The following TRPC1 variants were observed in gnomAD, a reference collection of about 807,000 sequenced individuals.
The protein encoded by TRPC1 is transient receptor potential cation channel subfamily C member 1.
Under a neutral mutation model 88.2 loss-of-function variants are expected in TRPC1, and 42 were observed. The ratio of observed to expected loss-of-function variants is 0.48; its 90% CI spans 0.37 to 0.62. The LOEUF (loss-of-function observed/expected upper bound fraction) is 0.62, where lower values mean the gene tolerates loss of function less well. Among genes scored for constraint, TRPC1 ranks in the 20% least tolerant of loss-of-function variants. The pLI is 0.00. For synonymous variants in TRPC1, 288 were observed against 331.8 expected (o/e 0.87, Z 1.43); for missense variants, 699 against 957.3 (o/e 0.73, Z 3.56).
intron 6 of TRPC1, among the ~76,000 whole-genome samples, chr3:142,783,564 C>T (rs985179043): frequency 1.3e-5 from 2 of 152,076 alleles, no homozygotes; most frequent in African/African-American, 4.8e-5. Context: ...TTATTTGGAA[C>T]TTTGTGAATT....
chr3:142,770,757 G>A (rs1935548487), intron 4 of TRPC1, among the ~76,000 whole-genome samples: 1 of 151,712 alleles, frequency 6.6e-6, no homozygotes, highest in Non-Finnish European at 1.5e-5. Context: ...TGTCTTTTTT[G>A]TTTCTCTGTT....
At chr3:142,765,752 C>T (rs1405212960) in intron 4 of TRPC1, among the ~76,000 whole-genome samples, 3 of 152,004 alleles carry the variant, frequency 2.0e-5, no homozygotes, top group Admixed American at 1.3e-4. Flanking sequence ...AGAGCTTCTA[C>T]ACAACAAAAG....
Position 142,748,427 on chromosome 3 carries a change from C to A in TRPC1, c.599C>A (p.Ala200Glu). The A allele has an allele frequency of 6.2e-7, 1 of 1,613,084 alleles. No individual in the cohort carries two copies. The highest frequency in any genetic ancestry group is 1.3e-5 in the African/African-American group (1 of 74,866). Residue 200 changes from alanine (A) to glutamate (E), a missense_variant, in exon 4 of 13, where the codon GCA becomes GAA. Physicochemically the swap from Ala to Glu is moderately radical, Grantham distance 107. Transcript: ENST00000476941. ...AVGCECTLCSAKNKKDSLRHS... is the reference protein window; with the variant it reads ...AVGCECTLCSEKNKKDSLRHS... ...GGCTGTGAATGCACATTGTGTTCTG[C>A]AAAAAACAAAAAGGATAGCCTCCGG...
intron 2 of TRPC1, among the ~76,000 whole-genome samples, chr3:142,737,213 A>C (rs1018231334): frequency 7.1e-5 from 10 of 139,900 alleles, no homozygotes; most frequent in African/African-American, 2.1e-4. Context: ...CATTAATTCT[A>C]CCTCTTTTTT....
chr3:142,758,729 C>A (rs568733236), intron 4 of TRPC1, among the ~76,000 whole-genome samples: 2 of 151,394 alleles, frequency 1.3e-5, no homozygotes, highest in South Asian at 2.1e-4. Context: ...GCATGTCGTG[C>A]AGGTTTGTTA....
In TRPC1 at chr3:142,804,102, C is replaced by T. The variant is rs1174766929; in HGVS notation, c.1883C>T (p.Thr628Ile). The T allele has an allele frequency of 3.7e-6, 6 of 1,613,738 alleles. No individual in the cohort carries two copies. The highest frequency in any genetic ancestry group is 5.1e-6 in the Non-Finnish European group (6 of 1,179,902). The stretch of plus-strand genomic sequence containing the variant: ...TTTGTGGGAGCTGTCATTGTTGGTA[C>T]ATACAATGTCGTGGTTGTGATTGTG... ...QSFVGAVIVG[T>I]YNVVVVIVLT... Residue 628 changes from threonine (T) to isoleucine (I), a missense_variant, in exon 11 of 13, where the codon ACA becomes ATA. Transcript: ENST00000476941.
At chr3:142,772,316 C>T (rs372574150) in intron 4 of TRPC1, among the ~76,000 whole-genome samples, 5 of 152,024 alleles carry the variant, frequency 3.3e-5, no homozygotes, top group Middle Eastern at 3.4e-3. Flanking sequence ...AATGGTGTTC[C>T]GCATCTCTCT....
chr3:142,766,394 CT>C lies in TRPC1; in HGVS notation c.633-11224del, dbSNP rs1336566515. Among the ~76,000 whole-genome samples the C allele has an allele frequency of 3.9e-3, 543 of 140,870 alleles. 1 individual carries two copies. Among genetic ancestry groups the C allele is most frequent in the African/African-American group, 8.6e-3 (332 of 38,652 alleles). 92.4% of individuals were successfully genotyped at this position (140,870 alleles called of 152,430 possible). A position where few individuals can be genotyped will look rare whatever the true frequency, so the allele number is the denominator to read the frequency against. On this transcript the variant is annotated intron_variant, in intron 4 of 12. Transcript: ENST00000476941. The stretch of plus-strand genomic sequence containing the variant: ...ACTGGCCTAGCCTCCCAGCCTACAT[CT>C]TTTTTTTTTTTTTCTTTTTTTTTGA...
In TRPC1 at chr3:142,791,170, C is replaced by A; in HGVS notation, c.1437+12C>A. The A allele has an allele frequency of 6.3e-7, 1 of 1,587,294 alleles. No homozygotes were observed. On this transcript the variant is annotated intron_variant, in intron 8 of 12. Transcript: ENST00000476941. ...TTGCTCACAACAAGGTGACTATTTA[C>A]TATGTCAATTGAAGGCACAAATTAA...
At chr3:142,771,085 C>T (rs1007884359) in intron 4 of TRPC1, among the ~76,000 whole-genome samples, 2 of 152,070 alleles carry the variant, frequency 1.3e-5, no homozygotes, top group Non-Finnish European at 2.9e-5. Context: ...AGCAAGAACT[C>T]ACTTATTACT....
intron 4 of TRPC1, among the ~76,000 whole-genome samples, chr3:142,764,109 T>C (rs748080919): frequency 1.3e-5 from 2 of 150,810 alleles, no homozygotes; most frequent in Admixed American, 6.6e-5. Flanking sequence ...TAGCTTCTTC[T>C]CCCAACATTT....
chr3:142,763,451 C>T lies in TRPC1; in HGVS notation c.633-14181C>T, dbSNP rs181998069. Among the ~76,000 whole-genome samples the T allele has an allele frequency of 9.4e-3, 1,426 of 151,854 alleles. 29 individuals carry two copies. Among genetic ancestry groups the T allele is most frequent in the African/African-American group, 0.033 (1,363 of 41,444 alleles). ...ATCATTATATAGTGACCCTCTTTGT[C>T]TTTTTTTAGTCTTTGATTTGTAGTC... On this transcript the variant is annotated intron_variant, in intron 4 of 12. Transcript: ENST00000476941.
chr3:142,786,772 A>G (rs1936147196), intron 7 of TRPC1, among the ~76,000 whole-genome samples: 1 of 152,172 alleles, frequency 6.6e-6, no homozygotes. Context: ...TGATTGTTAT[A>G]TATTCCTTAG....
chr3:142,725,163 G>A (rs972250883), intron 1 of TRPC1, among the ~76,000 whole-genome samples: 2 of 152,182 alleles, frequency 1.3e-5, no homozygotes, highest in African/African-American at 4.8e-5. Flanking sequence ...TGCCTCGTAT[G>A]GAGGGTTCTC....
At chr3:142,802,712 AC>A (rs1936660340) in intron 10 of TRPC1, among the ~76,000 whole-genome samples, 1 of 152,206 alleles carries the variant, frequency 6.6e-6, no homozygotes, top group African/African-American at 2.4e-5. Context: ...AGTCATTGTT[AC>A]AGCCAAAAAC....
At chr3:142,805,169 CAT>C (rs1406165731) in intron 12 of TRPC1, among the ~76,000 whole-genome samples, 98 of 143,964 alleles carry the variant, frequency 6.8e-4, no homozygotes, top group South Asian at 6.2e-3. Context: ...CACACACACA[CAT>C]ATAATTATTA....
At chr3:142,788,905 G>A (rs1294793330) in intron 7 of TRPC1, among the ~76,000 whole-genome samples, 3 of 152,090 alleles carry the variant, frequency 2.0e-5, no homozygotes, top group Non-Finnish European at 4.4e-5. Flanking sequence ...TATTGCAGAG[G>A]AGCTGGGAAA....
intron 1 of TRPC1, among the ~76,000 whole-genome samples, chr3:142,728,552 C>G (rs1409127194): frequency 1.3e-5 from 2 of 152,078 alleles, no homozygotes; most frequent in Non-Finnish European, 1.5e-5. Flanking sequence ...AACTCCCGAC[C>G]TCGAGTGATC....
intron 9 of TRPC1, among the ~76,000 whole-genome samples, chr3:142,796,543 T>C (rs999482163): frequency 6.6e-6 from 1 of 152,036 alleles, no homozygotes; most frequent in African/African-American, 2.4e-5. Flanking sequence ...TTCCTGTCTT[T>C]ATTCTTGTAG....
Sources: gnomAD v4.1 joint callset for allele counts (sites outside exome capture counted in the v4.1 genomes callset) on GRCh38, gnomAD v4.1.1 for gene constraint, MANE v1.5 for transcripts, NCBI Gene and HGNC (gene_info 2026-07-23, HGNC 2026-07-21) for gene names.